LIN28A: variants seen among roughly 807,000 people sequenced by gnomAD.
The protein encoded by LIN28A is protein lin-28 homolog A.
Under a neutral mutation model 21.1 loss-of-function variants are expected in LIN28A, and 11 were observed. The observed-to-expected ratio is 0.52, with a 90% confidence interval of 0.33 to 0.86. The LOEUF is 0.86. Ranked by LOEUF, LIN28A falls within the 40% of genes least tolerant of loss-of-function variation. LIN28A has a pLI of 0.03. For synonymous variants in LIN28A, 111 were observed against 108.7 expected (o/e 1.02, Z -0.13); for missense variants, 219 against 279.8 (o/e 0.78, Z 1.55).
rs1205031531 is a variant in LIN28A at position 26,426,715 on chromosome 1, CTT to C, written c.*259_*260del. The C allele has an allele frequency of 2.1e-5, 9 of 434,138 alleles. No individual in the cohort carries two copies. The highest frequency in any genetic ancestry group is 3.8e-5 in the Non-Finnish European group (9 of 234,952). The allele number at this position is 434,138 out of a possible 1,614,324, so 26.9% of individuals were successfully genotyped here. On this transcript the variant is annotated 3_prime_UTR_variant, in exon 4 of 4. Transcript: ENST00000326279. ...GGGGAATCACCCTACAACCTGCATA[CTT>C]TGAGTCTCCATCCCCAGAATTTCCA...
chr1:26,426,135 GAAGT>G (rs928481355), intron 3 of LIN28A, 103 bp from the exon 4 acceptor site: 4 of 829,772 alleles, frequency 4.8e-6, no homozygotes, highest in Non-Finnish European at 3.9e-6. Context: ...TCTGGGAAGG[GAAGT>G]AAGTGACAAA....
intron 2 of LIN28A, among the ~76,000 whole-genome samples, chr1:26,418,097 T>C (rs1168654939): frequency 6.6e-6 from 1 of 152,008 alleles, no homozygotes; most frequent in Non-Finnish European, 1.5e-5. Context: ...GCTCATTCTA[T>C]CTCTAAGCTT....
At chr1:26,422,972 G>A (rs1237688733) in intron 2 of LIN28A, among the ~76,000 whole-genome samples, 1 of 151,838 alleles carries the variant, frequency 6.6e-6, no homozygotes, top group Admixed American at 6.6e-5. Flanking sequence ...TTACTCTGTC[G>A]CCCAGGCTGG....
chr1:26,420,634 A>C (rs2075023667), intron 2 of LIN28A, among the ~76,000 whole-genome samples: 1 of 151,230 alleles, frequency 6.6e-6, no homozygotes. Context: ...GTGATAAGGA[A>C]TCTGTGGTTC....
At chr1:26,421,634 T>C (rs1480282477) in intron 2 of LIN28A, among the ~76,000 whole-genome samples, 3 of 152,230 alleles carry the variant, frequency 2.0e-5, no homozygotes, top group Non-Finnish European at 4.4e-5. Context: ...GAATATGACT[T>C]CCTTTCCCAA....
In LIN28A at chr1:26,424,730, CTGTTTGTTGT is replaced by C. The variant is rs200639842; in HGVS notation, c.229-564_229-555del. 8.7e-3 allele frequency among the ~76,000 whole-genome samples: 1,321 copies of C among 151,926 alleles called. 12 individuals are homozygous for C. Among genetic ancestry groups the C allele is most frequent in the Middle Eastern group, 0.014 (4 of 294 alleles). On this transcript the variant is annotated intron_variant, in intron 2 of 3. Coordinates refer to ENST00000326279, the MANE Select transcript of LIN28A (RefSeq NM_024674.6). ...CAAATGCTTGTATTTACAAATTTTT[CTGTTTGTTGT>C]TGTTTGTTTGTTTGTTTTTGAGACA...
In LIN28A at chr1:26,426,611, G is replaced by T. The variant is rs776533676; in HGVS notation, c.*153G>T. On this transcript the variant is annotated 3_prime_UTR_variant, in exon 4 of 4. Coordinates refer to ENST00000326279, the MANE Select transcript of LIN28A (RefSeq NM_024674.6). ...CCATCACCCTTTCTTCCCTCTAGGT[G>T]GGGGGAAAGGGTGAGTCAAAGGAAC... 39 of 642,078 alleles carry T rather than the reference G, an allele frequency of 6.1e-5. No individual in the cohort carries two copies. The highest frequency in any genetic ancestry group is 4.6e-4 in the Admixed American group (17 of 36,648). 39.8% of individuals were successfully genotyped at this position (642,078 alleles called of 1,614,324 possible).
intron 2 of LIN28A, among the ~76,000 whole-genome samples, chr1:26,415,539 G>A (rs371288909): frequency 7.4e-4 from 112 of 152,278 alleles, no homozygotes; most frequent in Middle Eastern, 3.4e-3. Flanking sequence ...GTGGGCTGAG[G>A]AATGAATAAG....
chr1:26,429,347 AG>A lies in LIN28A; in HGVS notation c.*2891del, dbSNP rs1380072632. On this transcript the variant is annotated 3_prime_UTR_variant, in exon 4 of 4. Coordinates refer to ENST00000326279, the MANE Select transcript of LIN28A (RefSeq NM_024674.6). ...CCAAGTCACTCAGGAACTTTTATGCAGGTGCTAGAAACTTTATGTCAAAGTG... is the reference window on the plus strand; with the variant it reads ...CCAAGTCACTCAGGAACTTTTATGCAGTGCTAGAAACTTTATGTCAAAGTG... The A allele has an allele frequency of 2.0e-5, 3 of 152,806 alleles. No individual in the cohort carries two copies. The East Asian group carries it at 5.8e-4, about 29-fold the overall frequency. 9.5% of individuals were successfully genotyped at this position (152,806 alleles called of 1,614,324 possible). A position where few individuals can be genotyped will look rare whatever the true frequency, so the allele number is the denominator to read the frequency against.
Position 26,429,488 on chromosome 1 carries a change from C to G in LIN28A, c.*3030C>G, listed in dbSNP as rs929251442. 2.6e-5 allele frequency: 4 copies of G among 152,542 alleles called. No individual in the cohort carries two copies. Among genetic ancestry groups the G allele is most frequent in the African/African-American group, 9.7e-5 (4 of 41,418 alleles). 9.4% of individuals were successfully genotyped at this position (152,542 alleles called of 1,614,324 possible). On this transcript the variant is annotated 3_prime_UTR_variant, in exon 4 of 4. Transcript: ENST00000326279. ...GGGCGGGAGGGTAGGAAAGCCTGTACCTGTCTGTTTTTTTCCTGATCCTTT... is the reference window on the plus strand; with the variant it reads ...GGGCGGGAGGGTAGGAAAGCCTGTAGCTGTCTGTTTTTTTCCTGATCCTTT...
rs199880616 is a variant in LIN28A, at chr1:26,411,401, C to T, written c.47C>T (p.Ala16Val). 27 of 1,598,018 alleles carry T rather than the reference C, an allele frequency of 1.7e-5. No homozygotes were observed. In the East Asian group the frequency reaches 5.7e-4, roughly 34 times the overall value. The change falls in exon 2 of 4, where the codon GCG becomes GTG. Residue 16 changes from alanine (A) to valine (V), a missense_variant. This residue lies in a region of LIN28A where 50 missense variants were observed against 49.0 expected (regional missense o/e 1.02). Transcript: ENST00000326279. The surrounding 1 kb of genome is among the most constrained non-coding windows in gnomAD (Gnocchi z 5.4). ...CTCTCTCCAGGTGGCTGCGCCAAGG[C>T]GGCAGAAGAGGCGCCCGAGGAGGCG... is the stretch of plus-strand genomic sequence containing the variant. ...NQQFAGGCAK[A>V]AEEAPEEAPE... is the part of the protein sequence containing the mutation.
rs1357045679 is a variant in LIN28A, at chr1:26,426,616, G to GA, written c.*161dup. On this transcript the variant is annotated 3_prime_UTR_variant, in exon 4 of 4. Transcript: ENST00000326279. ...ACCCTTTCTTCCCTCTAGGTGGGGGGAAAGGGTGAGTCAAAGGAACTCCAA... is the reference window on the plus strand; with the variant it reads ...ACCCTTTCTTCCCTCTAGGTGGGGGGAAAAGGGTGAGTCAAAGGAACTCCAA... 1 of 638,142 alleles carries GA rather than the reference G, an allele frequency of 1.6e-6. No individual in the cohort carries two copies. The highest frequency in any genetic ancestry group is 2.8e-6 in the Non-Finnish European group (1 of 356,350). 39.5% of individuals were successfully genotyped at this position (638,142 alleles called of 1,614,324 possible).
chr1:26,412,837 T>C (rs1309714286), intron 2 of LIN28A, among the ~76,000 whole-genome samples: 1 of 151,858 alleles, frequency 6.6e-6, no homozygotes, highest in African/African-American at 2.4e-5. Context: ...ACAAGGGAAA[T>C]AGACGCAGGG....
At chr1:26,422,066 T>C (rs547009722) in intron 2 of LIN28A, among the ~76,000 whole-genome samples, 1 of 150,940 alleles carries the variant, frequency 6.6e-6, no homozygotes, top group Admixed American at 6.7e-5. Context: ...TGGAGCACAG[T>C]TGTGTGATCT....
rs547277497 is a variant in LIN28A, at chr1:26,429,685, A to G, written c.*3227A>G. 36 of 152,310 alleles carry G rather than the reference A, an allele frequency of 2.4e-4. No individual in the cohort carries two copies. Among genetic ancestry groups the G allele is most frequent in the African/African-American group, 8.7e-4 (36 of 41,564 alleles). 9.4% of individuals were successfully genotyped at this position (152,310 alleles called of 1,614,324 possible). On this transcript the variant is annotated 3_prime_UTR_variant, in exon 4 of 4. Coordinates refer to ENST00000326279, the MANE Select transcript of LIN28A (RefSeq NM_024674.6). ...CCCTTCCCTTCTCCTTTCCCTGGGA[A>G]AATACAATGAATAAATAAAGACTTA... is the stretch of plus-strand genomic sequence containing the variant.
At chr1:26,419,761 C>T (rs1440503484) in intron 2 of LIN28A, among the ~76,000 whole-genome samples, 1 of 152,088 alleles carries the variant, frequency 6.6e-6, no homozygotes, top group Non-Finnish European at 1.5e-5. Flanking sequence ...TCAATCAACC[C>T]TTGTTCTTAA....
Position 26,422,988 on chromosome 1 carries a change from A to G in LIN28A, c.229-2315A>G, listed in dbSNP as rs560553981. On this transcript the variant is annotated intron_variant, in intron 2 of 3. Transcript: ENST00000326279. Reference sequence around the variant, plus strand: ...TACTCTGTCGCCCAGGCTGGAATGCAGTGGCATAATCTTGGCTCACTACAA... The same window carrying G: ...TACTCTGTCGCCCAGGCTGGAATGCGGTGGCATAATCTTGGCTCACTACAA... 3.3e-5 allele frequency among the ~76,000 whole-genome samples: 5 copies of G among 152,208 alleles called. No homozygotes were observed. In the South Asian group the frequency reaches 6.2e-4, roughly 19 times the overall value.
rs2075067933 is a variant in LIN28A at position 26,427,691 on chromosome 1, G to A, written c.*1233G>A. 1.3e-5 allele frequency: 2 copies of A among 152,238 alleles called. No homozygotes were observed. The highest frequency in any genetic ancestry group is 2.9e-5 in the Non-Finnish European group (2 of 68,054). 9.4% of individuals were successfully genotyped at this position (152,238 alleles called of 1,614,324 possible). On this transcript the variant is annotated 3_prime_UTR_variant, in exon 4 of 4. Transcript: ENST00000326279. ...CTACCATGTGCCACAGGGTGTGTGTGTGTTTGTAAAACTAGAGTTGCTAAG... is the reference window on the plus strand; with the variant it reads ...CTACCATGTGCCACAGGGTGTGTGTATGTTTGTAAAACTAGAGTTGCTAAG...
rs376056373 is a variant in LIN28A, at chr1:26,411,414, G to C, written c.60G>C (p.Ala20=). ...GCTGCGCCAAGGCGGCAGAAGAGGC[G>C]CCCGAGGAGGCGCCGGAGGACGCGG... ...AGGCAKAAEE[A]PEEAPEDAAR... is the part of the protein sequence containing the mutation. Residue 20 remains alanine, a synonymous_variant, in exon 2 of 4, where the codon GCG becomes GCC. Transcript: ENST00000326279. This position sits in a 1 kb window ranked among gnomAD's most constrained non-coding sequence, Gnocchi z 5.4. 1.6e-4 allele frequency: 260 copies of C among 1,601,784 alleles called. No homozygotes were observed. The African/African-American group carries it at 3.3e-3, about 20-fold the overall frequency.
Sources: allele counts gnomAD v4.1 joint callset (sites outside exome capture counted in the v4.1 genomes callset), GRCh38; gene constraint gnomAD v4.1.1; regional missense constraint gnomAD v4.1.1; non-coding constraint Gnocchi (gnomAD v3.1); transcripts MANE v1.5; gene names NCBI Gene and HGNC (gene_info 2026-07-23, HGNC 2026-07-21).